The following RPS6KA2 variants were observed in gnomAD, a reference collection of about 807,000 sequenced individuals.
The protein encoded by RPS6KA2 is ribosomal protein S6 kinase A2.
Under a neutral mutation model 91.8 loss-of-function variants are expected in RPS6KA2, and 42 were observed. That is an observed-to-expected ratio of 0.46 (90% CI 0.36 to 0.59). The LOEUF (loss-of-function observed/expected upper bound fraction) is 0.59. Ranked by LOEUF, RPS6KA2 falls within the 20% of genes least tolerant of loss-of-function variation. The probability of loss-of-function intolerance (pLI) is 0.00; values close to 1 mark genes in which losing one functional copy is unlikely to be tolerated. For synonymous variants in RPS6KA2, 414 were observed against 393.6 expected (o/e 1.05, Z -0.61); for missense variants, 798 against 978.5 (o/e 0.82, Z 2.46).
intron 17 of RPS6KA2, among the ~76,000 whole-genome samples, chr6:166,420,416 C>T (rs966606334): frequency 6.6e-6 from 1 of 152,176 alleles, no homozygotes; most frequent in African/African-American, 2.4e-5. Flanking sequence ...CCCTGTCCCC[C>T]AGCCCCCAAC....
intron 15 of RPS6KA2, 53 bp from the exon 16 acceptor site, chr6:166,430,664 A>G: frequency 6.4e-7 from 1 of 1,562,218 alleles, no homozygotes; most frequent in South Asian, 1.2e-5. Flanking sequence ...GCTGTGAAAG[A>G]GCAACTACTC....
chr6:166,449,762 C>T (rs949932724), intron 13 of RPS6KA2, among the ~76,000 whole-genome samples: 1 of 151,386 alleles, frequency 6.6e-6, no homozygotes, highest in Non-Finnish European at 1.5e-5. Context: ...TGGAATACCA[C>T]CACGGAGACC....
Position 166,448,841 on chromosome 6 carries a change from GTGTAAC to G in RPS6KA2, c.1209_1214del (p.Gln403_Leu404del), listed in dbSNP as rs1440862025. ...CATCGGTGAAGTGGATGTTGTTCCC[GTGTAAC>G]TGCTGCAGAGGGACCAAGAGAAGAA... On this transcript the variant is annotated inframe_deletion and splice_region_variant, in exon 14 of 21. Coordinates refer to ENST00000265678, the MANE Select transcript of RPS6KA2 (RefSeq NM_021135.6). The surrounding 1 kb of genome is among the most constrained non-coding windows in gnomAD (Gnocchi z 4.7). The G allele has an allele frequency of 7.4e-6, 12 of 1,613,636 alleles. No homozygotes were observed. The highest frequency in any genetic ancestry group is 2.7e-5 in the African/African-American group (2 of 74,774).
At position 166,770,625 on chromosome 6, in the gene RPS6KA2, C is replaced by T. The variant is rs1041002006; in HGVS notation, c.123+87575G>A. ...TCCTCAGTTTAGCACGCAAGGCAGC[C>T]CCTGCTGTACAAGGACATTACTGCA... On this transcript the variant is annotated intron_variant, in intron 2 of 21. Transcript: ENST00000503859. The surrounding 1 kb of genome is among the most constrained non-coding windows in gnomAD (Gnocchi z 5.1). 1.3e-5 allele frequency among the ~76,000 whole-genome samples: 2 copies of T among 152,162 alleles called. No individual in the cohort carries two copies. Among genetic ancestry groups the T allele is most frequent in the African/African-American group, 4.8e-5 (2 of 41,414 alleles).
At chr6:166,806,323 A>T (rs1161447041) in intron 2 of RPS6KA2, among the ~76,000 whole-genome samples, 1 of 152,232 alleles carries the variant, frequency 6.6e-6, no homozygotes, top group Admixed American at 6.5e-5. Context: ...ACTAAGACAC[A>T]TTATAATCAA....
intron 2 of RPS6KA2, among the ~76,000 whole-genome samples, chr6:166,811,253 G>A (rs984748413): frequency 6.6e-6 from 1 of 152,212 alleles, no homozygotes; most frequent in Non-Finnish European, 1.5e-5. Flanking sequence ...CCTCAGCCAA[G>A]TGGGACTGGA....
chr6:166,664,978 C>T (rs1299257824), intron 2 of RPS6KA2, among the ~76,000 whole-genome samples: 6 of 152,144 alleles, frequency 3.9e-5, no homozygotes, highest in African/African-American at 1.4e-4. Context: ...GGTGTGGCGG[C>T]TCACACCTGT....
intron 2 of RPS6KA2, among the ~76,000 whole-genome samples, chr6:166,808,598 A>G (rs1779552361): frequency 6.6e-6 from 1 of 152,214 alleles, no homozygotes; most frequent in Non-Finnish European, 1.5e-5. Context: ...CAGATGATGC[A>G]TTTTAAAAGC....
intron 16 of RPS6KA2, among the ~76,000 whole-genome samples, chr6:166,430,083 G>A (rs1010000526): frequency 4.0e-5 from 6 of 151,556 alleles, no homozygotes; most frequent in African/African-American, 7.3e-5. Context: ...TCAGCCTCCC[G>A]AGTAGCTAGG....
At position 166,639,689 on chromosome 6, in the gene RPS6KA2, C is replaced by T. The variant is rs78233572; in HGVS notation, c.124-100905G>A. ...TGTGGTGTCTCCGTGACATCATTCA[C>T]GCAGTGGCCACGGCTGTCCTTCCTG... On this transcript the variant is annotated intron_variant, in intron 2 of 21. Transcript: ENST00000503859. This position sits in a 1 kb window ranked among gnomAD's most constrained non-coding sequence, Gnocchi z 4.2. Among the ~76,000 whole-genome samples the T allele has an allele frequency of 2.1e-3, 319 of 152,298 alleles. No homozygotes were observed. Among genetic ancestry groups the T allele is most frequent in the Non-Finnish European group, 3.6e-3 (244 of 68,016 alleles).
intron 14 of RPS6KA2, among the ~76,000 whole-genome samples, chr6:166,436,310 C>A (rs1337304544): frequency 6.9e-6 from 1 of 145,884 alleles, no homozygotes; most frequent in East Asian, 2.0e-4. Flanking sequence ...TCAGTTAAAG[C>A]CCCAGAAAAA....
chr6:166,837,068 A>C (rs1048372061), intron 2 of RPS6KA2, among the ~76,000 whole-genome samples: 2 of 152,164 alleles, frequency 1.3e-5, no homozygotes, highest in Non-Finnish European at 2.9e-5. Context: ...ACCTGGCCAC[A>C]GCCGGCTCTT....
chr6:166,652,023 T>C (rs1787869586), intron 2 of RPS6KA2, among the ~76,000 whole-genome samples: 1 of 152,278 alleles, frequency 6.6e-6, no homozygotes, highest in Admixed American at 6.5e-5. Flanking sequence ...CTTCTGCTAG[T>C]AGACTTTCAA....
chr6:166,696,243 C>T (rs1177426188), intron 2 of RPS6KA2, among the ~76,000 whole-genome samples: 5 of 152,040 alleles, frequency 3.3e-5, no homozygotes, highest in African/African-American at 1.2e-4. Context: ...CACGTGAGAT[C>T]TGGGTGGTAG....
intron 2 of RPS6KA2, among the ~76,000 whole-genome samples, chr6:166,729,271 G>A (rs1233641917): frequency 6.6e-6 from 1 of 152,214 alleles, no homozygotes; most frequent in African/African-American, 2.4e-5. Context: ...TGCAGGGAAC[G>A]CACACTGCCT....
intron 1 of RPS6KA2, among the ~76,000 whole-genome samples, chr6:166,593,444 AT>A (rs1239713281): frequency 6.6e-6 from 1 of 152,252 alleles, no homozygotes; most frequent in Admixed American, 6.5e-5. Flanking sequence ...AACTGGAATT[AT>A]TGTGATCAAG....
intron 2 of RPS6KA2, among the ~76,000 whole-genome samples, chr6:166,724,434 T>C (rs1381678659): frequency 6.8e-6 from 1 of 147,070 alleles, no homozygotes; most frequent in Non-Finnish European, 1.5e-5. Flanking sequence ...TATTGAAAAC[T>C]GATATTAAAA....
intron 2 of RPS6KA2, among the ~76,000 whole-genome samples, chr6:166,783,842 AT>A (rs1456017430): frequency 0.03 from 1,851 of 62,612 alleles, 333 homozygotes; most frequent in African/African-American, 0.081. Context: ...GTGCACACCT[AT>A]CTATACCACA....
At chr6:166,597,825 G>A (rs901235602) in intron 1 of RPS6KA2, among the ~76,000 whole-genome samples, 4 of 152,018 alleles carry the variant, frequency 2.6e-5, no homozygotes, top group African/African-American at 9.7e-5. Flanking sequence ...GGAGTCCACG[G>A]GCTGGTGAGA....
Sources: gnomAD v4.1 joint callset for allele counts (sites outside exome capture counted in the v4.1 genomes callset) on GRCh38, gnomAD v4.1.1 for gene constraint, Gnocchi (gnomAD v3.1) non-coding constraint, MANE v1.5 for transcripts, NCBI Gene and HGNC (gene_info 2026-07-23, HGNC 2026-07-21) for gene names.